GDPD1: variants seen among roughly 807,000 people sequenced by gnomAD.
GDPD1 encodes the protein glycerophosphodiester phosphodiesterase domain containing 1, also known as lysophospholipase D GDPD1.
Under a neutral mutation model 45.1 loss-of-function variants are expected in GDPD1, and 28 were observed. The observed-to-expected ratio is 0.62, with a 90% CI of 0.46 to 0.85. GDPD1 has a LOEUF of 0.85. GDPD1 is among the 40% of genes least tolerant of loss of function. The pLI is 0.00. For synonymous variants in GDPD1, 139 were observed against 131.4 expected, an observed-to-expected ratio of 1.06 and a Z score of -0.40; for missense variants, 256 against 364.8, an observed-to-expected ratio of 0.70 and a Z score of 2.43.
chr17:59,269,154 G>A (rs559256699), intron 7 of GDPD1, among the ~76,000 whole-genome samples: 7 of 152,050 alleles, frequency 4.6e-5, no homozygotes, highest in South Asian at 2.1e-4. Flanking sequence ...AAAATTAGCC[G>A]GGCACAGTGG....
chr17:59,260,026 A>T (rs1456833326), intron 6 of GDPD1, among the ~76,000 whole-genome samples: 1 of 116,902 alleles, frequency 8.6e-6, no homozygotes, highest in Non-Finnish European at 1.6e-5. Context: ...CTGCCACTGC[A>T]CTCCAGCCTG....
intron 1 of GDPD1, among the ~76,000 whole-genome samples, 187 bp downstream of exon 1, chr17:59,220,938 G>A (rs1437776007): frequency 6.6e-6 from 1 of 152,118 alleles, no homozygotes; most frequent in African/African-American, 2.4e-5. Context: ...GGAAGGAGAG[G>A]GATTCCCGGT....
At chr17:59,239,666 A>G (rs1274023191) in intron 2 of GDPD1, among the ~76,000 whole-genome samples, 1 of 151,878 alleles carries the variant, frequency 6.6e-6, no homozygotes, top group Non-Finnish European at 1.5e-5. Flanking sequence ...CATAGAAAAT[A>G]TTTTTCAAAT....
chr17:59,230,847 C>T (rs1348181386), intron 1 of GDPD1, among the ~76,000 whole-genome samples: 1 of 152,180 alleles, frequency 6.6e-6, no homozygotes, highest in African/African-American at 2.4e-5. Context: ...GATGAAACAA[C>T]ACTCTTTTGG....
intron 4 of GDPD1, among the ~76,000 whole-genome samples, chr17:59,255,863 A>ATATATATATACACACACG (rs1417530847): frequency 1.9e-4 from 17 of 88,744 alleles, no homozygotes; most frequent in African/African-American, 1.1e-3. Flanking sequence ...ACACGTATAT[A>ATATATATATACACACACG]TATATATATA....
intron 4 of GDPD1, 41 bp from the exon 5 acceptor site, chr17:59,257,081 C>A: frequency 9.5e-7 from 1 of 1,047,622 alleles, no homozygotes. Flanking sequence ...AAAAGTAAAA[C>A]TTATATTTAA....
At chr17:59,270,717 T>C (rs2047438088) in intron 7 of GDPD1, among the ~76,000 whole-genome samples, 1 of 152,080 alleles carries the variant, frequency 6.6e-6, no homozygotes, top group African/African-American at 2.4e-5. Context: ...TATTTATTTA[T>C]TTATTTATTA....
At chr17:59,248,820 T>C in intron 4 of GDPD1, 35 bp downstream of exon 4, 1 of 1,469,078 alleles carries the variant, frequency 6.8e-7, no homozygotes, top group African/African-American at 1.4e-5. Context: ...AACATTTGTG[T>C]TGAGAAGCAT....
In GDPD1 at chr17:59,255,812, C is replaced by T. The variant is rs1200896339; in HGVS notation, c.368-1310C>T. On this transcript the variant is annotated intron_variant, in intron 4 of 9. Transcript: ENST00000284116. The stretch of plus-strand genomic sequence containing the variant: ...GCGTATATATGTATATATATATATA[C>T]GCGTATATATATATACGCGTATATA... 2.3e-4 allele frequency among the ~76,000 whole-genome samples: 15 copies of T among 64,636 alleles called. 2 individuals carry two copies. The highest frequency in any genetic ancestry group is 4.5e-4 in the African/African-American group (5 of 11,130). The allele number at this position is 64,636 out of a possible 152,430, so 42.4% of individuals were successfully genotyped here.
In GDPD1 at chr17:59,267,652, C is replaced by T. The variant is rs2047408632; in HGVS notation, c.710+478C>T. 2.0e-5 allele frequency among the ~76,000 whole-genome samples: 3 copies of T among 150,938 alleles called. No homozygotes were observed. In the South Asian group the frequency reaches 6.3e-4, roughly 32 times the overall value. On this transcript the variant is annotated intron_variant, in intron 7 of 9. Coordinates refer to ENST00000284116, the MANE Select transcript of GDPD1 (RefSeq NM_182569.4). ...GGGTATAGTTAGTTTATATAGGATA[C>T]TGTTTTTATAGTGGTTTTTTGTTTT...
chr17:59,234,568 T>A (rs1260137504), intron 2 of GDPD1, 34 bp downstream of exon 2: 1 of 1,439,504 alleles, frequency 6.9e-7, no homozygotes, highest in East Asian at 2.3e-5. Flanking sequence ...GGTACTCTTT[T>A]CTTTTACAGT....
Position 59,270,999 on chromosome 17 carries a change from A to T in GDPD1, c.770+4A>T. On this transcript the variant is annotated splice_donor_region_variant and intron_variant, in intron 8 of 9. Transcript: ENST00000284116. Reference sequence around the variant, plus strand: ...TTCTCATCTGGCTTTCTGATCTGTAAGAATTTTAATTTCTTAATATGCAAG... The same window carrying T: ...TTCTCATCTGGCTTTCTGATCTGTATGAATTTTAATTTCTTAATATGCAAG... The T allele has an allele frequency of 6.4e-7, 1 of 1,566,744 alleles. No individual in the cohort carries two copies. Among genetic ancestry groups the T allele is most frequent in the South Asian group, 1.1e-5 (1 of 87,976 alleles).
intron 2 of GDPD1, among the ~76,000 whole-genome samples, chr17:59,241,555 G>C (rs2047175691): frequency 6.6e-6 from 1 of 152,018 alleles, no homozygotes; most frequent in Non-Finnish European, 1.5e-5. Flanking sequence ...CTGACCTCAG[G>C]TGATCTGCCG....
At chr17:59,225,350 C>T (rs896114177) in intron 1 of GDPD1, among the ~76,000 whole-genome samples, 1 of 152,072 alleles carries the variant, frequency 6.6e-6, no homozygotes, top group Non-Finnish European at 1.5e-5. Context: ...GGCAATTAGC[C>T]TGCCTCACCT....
Position 59,267,132 on chromosome 17 carries a change from G to C in GDPD1, c.668G>C (p.Arg223Pro). Reference protein sequence around the residue: ...FTGLLPFVPIREQFFEIPMPS... With the variant: ...FTGLLPFVPIPEQFFEIPMPS... Reference sequence around the variant, plus strand: ...GGCCTCTTGCCCTTTGTGCCCATTCGAGAACAGTTTTTTGAAATCCCAATG... The same window carrying C: ...GGCCTCTTGCCCTTTGTGCCCATTCCAGAACAGTTTTTTGAAATCCCAATG... The change falls in exon 7 of 10, where the codon CGA (arginine) becomes CCA (proline). Residue 223 changes from arginine (R) to proline (P), a missense_variant. Transcript: ENST00000284116. 6.2e-7 allele frequency: 1 copy of C among 1,613,846 alleles called. No homozygotes were observed. Among genetic ancestry groups the C allele is most frequent in the Non-Finnish European group, 8.5e-7 (1 of 1,179,910 alleles).
rs147599036 is a variant in GDPD1, at chr17:59,253,645, T to C, written c.368-3477T>C. On this transcript the variant is annotated intron_variant, in intron 4 of 9. Transcript: ENST00000284116. ...GTTAGTTTCATCTGTTTGACCTTTT[T>C]GTAAACTGATTCTTACATGCATCTT... 3.7e-3 allele frequency among the ~76,000 whole-genome samples: 559 copies of C among 152,324 alleles called. 2 individuals carry two copies. The highest frequency in any genetic ancestry group is 0.013 in the African/African-American group (532 of 41,576).
chr17:59,245,900 C>G (rs1253435744), intron 3 of GDPD1, among the ~76,000 whole-genome samples: 2 of 152,072 alleles, frequency 1.3e-5, no homozygotes, highest in Non-Finnish European at 2.9e-5. Context: ...GCGGGTGGAT[C>G]ACCTGAGGTC....
chr17:59,249,850 T>C (rs980759879), intron 4 of GDPD1, among the ~76,000 whole-genome samples: 1 of 152,150 alleles, frequency 6.6e-6, no homozygotes, highest in Non-Finnish European at 1.5e-5. Context: ...CCATTTATAT[T>C]AATTTTTTAA....
At chr17:59,262,292 A>T (rs1213028767) in intron 6 of GDPD1, among the ~76,000 whole-genome samples, 2 of 152,152 alleles carry the variant, frequency 1.3e-5, no homozygotes, top group African/African-American at 4.8e-5. Flanking sequence ...CCTATACATG[A>T]ATGTTTATAG....
Sources: gnomAD v4.1 joint callset for allele counts (sites outside exome capture counted in the v4.1 genomes callset) on GRCh38, gnomAD v4.1.1 for gene constraint, MANE v1.5 for transcripts, NCBI Gene and HGNC (gene_info 2026-07-23, HGNC 2026-07-21) for gene names.